Variants in SEZ6L observed in about 807,000 individuals in gnomAD.
SEZ6L encodes the protein seizure related 6 homolog like.
SEZ6L carries 37 observed loss-of-function variants against 106.2 expected under a neutral mutation model. That is an observed-to-expected ratio of 0.35 (90% CI 0.27 to 0.46). SEZ6L has a LOEUF of 0.46. Ranked by LOEUF, SEZ6L falls within the 20% of genes least tolerant of loss-of-function variation. The pLI is 1.00. For missense variants in SEZ6L, 1,172 were observed against 1,332.8 expected (o/e 0.88, Z 1.88); for synonymous variants, 541 against 570.4 (o/e 0.95, Z 0.73).
intron 1 of SEZ6L, among the ~76,000 whole-genome samples, chr22:26,285,238 A>C (rs1373750270): frequency 6.6e-6 from 1 of 151,874 alleles, no homozygotes; most frequent in African/African-American, 2.4e-5. Context: ...GCATGTAATA[A>C]GTGCAGAATG....
intron 1 of SEZ6L, among the ~76,000 whole-genome samples, chr22:26,240,636 C>T (rs550874641): frequency 2.6e-5 from 4 of 152,238 alleles, no homozygotes; most frequent in Non-Finnish European, 5.9e-5. Flanking sequence ...CCAGACTCAG[C>T]CTTCCACATG....
At chr22:26,219,323 A>G (rs1255357434) in intron 1 of SEZ6L, among the ~76,000 whole-genome samples, 1 of 147,208 alleles carries the variant, frequency 6.8e-6, no homozygotes, top group African/African-American at 2.5e-5. Flanking sequence ...CAACCCCACA[A>G]TGACAAAAAT....
intron 1 of SEZ6L, among the ~76,000 whole-genome samples, chr22:26,256,921 C>T (rs989888464): frequency 6.6e-6 from 1 of 152,132 alleles, no homozygotes; most frequent in African/African-American, 2.4e-5. Flanking sequence ...AGAGAAAGTT[C>T]AGGTTAGATT....
chr22:26,256,942 C>A (rs961993050), intron 1 of SEZ6L, among the ~76,000 whole-genome samples: 1 of 152,168 alleles, frequency 6.6e-6, no homozygotes, highest in Non-Finnish European at 1.5e-5. Flanking sequence ...CAAAGCAGGA[C>A]CAAGTGTAGA....
chr22:26,362,607 C>T (rs186940380), intron 12 of SEZ6L, among the ~76,000 whole-genome samples: 48 of 152,320 alleles, frequency 3.2e-4, no homozygotes, highest in African/African-American at 1.1e-3. Flanking sequence ...TCTGATTCAC[C>T]TCCTCACCGC....
intron 1 of SEZ6L, among the ~76,000 whole-genome samples, chr22:26,268,965 T>G (rs534329509): frequency 1.3e-5 from 2 of 152,306 alleles, no homozygotes; most frequent in South Asian, 4.1e-4. Flanking sequence ...CCTCAATTCT[T>G]TTATCTATAA....
chr22:26,191,295 A>G (rs2205977), intron 1 of SEZ6L, among the ~76,000 whole-genome samples: 7,372 of 152,268 alleles, frequency 0.048, 339 homozygotes, highest in East Asian at 0.22. Flanking sequence ...TGTATGCTCA[A>G]TGCAGCACTA....
chr22:26,377,410 A>G (rs2084265083), intron 15 of SEZ6L, among the ~76,000 whole-genome samples: 1 of 152,180 alleles, frequency 6.6e-6, no homozygotes, highest in Admixed American at 6.5e-5. Flanking sequence ...CCAGGAGAAA[A>G]CAAATTAAGC....
chr22:26,270,340 C>T (rs1156674972), intron 1 of SEZ6L, among the ~76,000 whole-genome samples: 2 of 152,116 alleles, frequency 1.3e-5, no homozygotes, highest in Admixed American at 1.3e-4. Flanking sequence ...ATTTCCCCAA[C>T]TCTAAAATAA....
chr22:26,305,961 C>A lies in SEZ6L; in HGVS notation c.1349-18C>A. On this transcript the variant is annotated intron_variant, in intron 5 of 16. Coordinates refer to ENST00000248933, the MANE Select transcript of SEZ6L (RefSeq NM_021115.5). Reference sequence around the variant, plus strand: ...TCTCTGCTCTCTCCCATTGCCCACCCACCCCTTTCTGGATCAGCTCCTTGT... The same window carrying A: ...TCTCTGCTCTCTCCCATTGCCCACCAACCCCTTTCTGGATCAGCTCCTTGT... 1.2e-6 allele frequency: 2 copies of A among 1,603,200 alleles called. No individual in the cohort carries two copies. The highest frequency in any genetic ancestry group is 1.1e-5 in the South Asian group (1 of 90,726).
intron 5 of SEZ6L, among the ~76,000 whole-genome samples, chr22:26,303,923 C>T (rs1336575352): frequency 6.6e-6 from 1 of 152,140 alleles, no homozygotes; most frequent in Non-Finnish European, 1.5e-5. Context: ...ATAGAAATGG[C>T]TCCCAAGACT....
rs1367525527 is a variant in SEZ6L at position 26,376,092 on chromosome 22, G to GA, written c.2942+405dup. 2.6e-5 allele frequency among the ~76,000 whole-genome samples: 4 copies of GA among 152,184 alleles called. No homozygotes were observed. The East Asian group carries it at 7.7e-4, about 29-fold the overall frequency. On this transcript the variant is annotated intron_variant, in intron 15 of 16. Coordinates refer to ENST00000248933, the MANE Select transcript of SEZ6L (RefSeq NM_021115.5). The stretch of plus-strand genomic sequence containing the variant: ...GGTCTAGAAACTTGCATTTGATGCA[G>GA]AAGGAAGATATTAAACCATGCACCA...
At chr22:26,231,780 G>A (rs2078805301) in intron 1 of SEZ6L, among the ~76,000 whole-genome samples, 2 of 152,226 alleles carry the variant, frequency 1.3e-5, no homozygotes, top group African/African-American at 2.4e-5. Flanking sequence ...CCCCCACGAT[G>A]CAGAAGCCCC....
At chr22:26,371,237 C>T (rs2084024892) in intron 13 of SEZ6L, among the ~76,000 whole-genome samples, 1 of 152,130 alleles carries the variant, frequency 6.6e-6, no homozygotes, top group Admixed American at 6.6e-5. Context: ...TCCTTGGATG[C>T]TGGCACTTTT....
intron 1 of SEZ6L, among the ~76,000 whole-genome samples, chr22:26,248,676 A>G (rs973268668): frequency 6.6e-6 from 1 of 152,228 alleles, no homozygotes; most frequent in Non-Finnish European, 1.5e-5. Flanking sequence ...TCTCTTGCCA[A>G]CTTGCCTTCT....
At chr22:26,229,729 G>T (rs1234213364) in intron 1 of SEZ6L, among the ~76,000 whole-genome samples, 1 of 152,082 alleles carries the variant, frequency 6.6e-6, no homozygotes, top group Non-Finnish European at 1.5e-5. Context: ...GATGGGACCT[G>T]GAAGCAGGTA....
chr22:26,359,857 T>C (rs2083556584), intron 12 of SEZ6L, among the ~76,000 whole-genome samples: 1 of 152,096 alleles, frequency 6.6e-6, no homozygotes, highest in Admixed American at 6.6e-5. Flanking sequence ...TGTCTTAGGG[T>C]TGTTGTGATA....
intron 10 of SEZ6L, among the ~76,000 whole-genome samples, chr22:26,342,653 G>A (rs190767011): frequency 7.9e-5 from 12 of 152,234 alleles, no homozygotes; most frequent in East Asian, 5.8e-4. Context: ...CCAAGATTGC[G>A]CCACTGACTC....
At chr22:26,300,525 G>A (rs959899365) in intron 5 of SEZ6L, among the ~76,000 whole-genome samples, 3 of 152,212 alleles carry the variant, frequency 2.0e-5, no homozygotes, top group Admixed American at 6.5e-5. Flanking sequence ...TGGTGTATAT[G>A]TGCCACATTT....
Sources: allele counts gnomAD v4.1 joint callset (sites outside exome capture counted in the v4.1 genomes callset), GRCh38; gene constraint gnomAD v4.1.1; transcripts MANE v1.5; gene names NCBI Gene and HGNC (gene_info 2026-07-23, HGNC 2026-07-21).